The following CEP85L variants were observed in gnomAD, a reference collection of about 807,000 sequenced individuals.
The protein encoded by CEP85L is centrosomal protein 85L.
A neutral mutation model predicts 100.3 loss-of-function variants in CEP85L; 60 were observed. The ratio of observed to expected loss-of-function variants is 0.60; its 90% CI spans 0.49 to 0.74. CEP85L has a LOEUF of 0.74. CEP85L is among the 30% of genes least tolerant of loss of function. The pLI, the probability that CEP85L is intolerant of heterozygous loss-of-function variation, is 0.00. For synonymous variants in CEP85L, 319 were observed against 322.7 expected (o/e 0.99, Z 0.12); for missense variants, 973 against 936.2 (o/e 1.04, Z -0.51).
Position 118,484,408 on chromosome 6 carries a change from C to T in CEP85L, c.1438-550G>A, listed in dbSNP as rs187402548. ...AGGGAATATTTGCTTTTACCATGGA[C>T]GGCATCCTATAAATTGTCATCAACC... On this transcript the variant is annotated intron_variant, in intron 6 of 12. Coordinates refer to ENST00000368491, the MANE Select transcript of CEP85L (RefSeq NM_001042475.3). 1.3e-4 allele frequency among the ~76,000 whole-genome samples: 20 copies of T among 152,292 alleles called. No individual in the cohort carries two copies. In the East Asian group the frequency reaches 2.5e-3, roughly 19 times the overall value.
chr6:118,539,794 G>T (rs913854208), intron 3 of CEP85L, among the ~76,000 whole-genome samples: 2 of 152,266 alleles, frequency 1.3e-5, no homozygotes, highest in African/African-American at 4.8e-5. Context: ...CTTGAGGGGA[G>T]AGGGAGCATG....
chr6:118,630,588 A>C lies in CEP85L; in HGVS notation c.232+1865T>G, dbSNP rs562640036. Among the ~76,000 whole-genome samples the C allele has an allele frequency of 5.1e-4, 78 of 152,376 alleles. No individual in the cohort carries two copies. In the Middle Eastern group the frequency reaches 0.014, roughly 27 times the overall value. On this transcript the variant is annotated intron_variant, in intron 2 of 12. Coordinates refer to ENST00000368491, the MANE Select transcript of CEP85L (RefSeq NM_001042475.3). ...AACTGTGGTACATCCAGACAATGGG[A>C]TATTACTCAGCACTAAAAGCAAATG...
At chr6:118,599,128 T>C (rs1781596302) in intron 2 of CEP85L, among the ~76,000 whole-genome samples, 1 of 152,146 alleles carries the variant, frequency 6.6e-6, no homozygotes, top group Non-Finnish European at 1.5e-5. Context: ...AACCCAATAA[T>C]AACAAGTATG....
rs1402692800 is a variant in CEP85L, at chr6:118,463,192, T to G, written c.*2213A>C. The G allele has an allele frequency of 2.0e-5, 3 of 151,510 alleles. No homozygotes were observed. The highest frequency in any genetic ancestry group is 2.9e-5 in the Non-Finnish European group (2 of 67,802). The allele number at this position is 151,510 out of a possible 1,614,324, so 9.4% of individuals were successfully genotyped here. A position where few individuals can be genotyped will look rare whatever the true frequency, so the allele number is the denominator to read the frequency against. On this transcript the variant is annotated 3_prime_UTR_variant, in exon 13 of 13. Coordinates refer to ENST00000368491, the MANE Select transcript of CEP85L (RefSeq NM_001042475.3). ...ACAAATAAATTATTTTATCCCCAAC[T>G]AAGCCAAAAAACAAAAACGTATCTA...
At chr6:118,672,606 A>T (rs958737351) in intron 1 of CEP85L, among the ~76,000 whole-genome samples, 1 of 152,104 alleles carries the variant, frequency 6.6e-6, no homozygotes, top group Non-Finnish European at 1.5e-5. Context: ...TTTCTACAAA[A>T]AATGCAAAAC....
chr6:118,537,243 T>C (rs1583002295), intron 3 of CEP85L, among the ~76,000 whole-genome samples: 1 of 152,148 alleles, frequency 6.6e-6, no homozygotes, highest in African/African-American at 2.4e-5. Flanking sequence ...ACATGCAATG[T>C]AAAAGGTAGT....
chr6:118,643,370 T>C (rs956264883), intron 1 of CEP85L, among the ~76,000 whole-genome samples: 3 of 152,202 alleles, frequency 2.0e-5, no homozygotes, highest in African/African-American at 7.2e-5. Flanking sequence ...ACAAAAGCAA[T>C]GTAATCAACT....
intron 1 of CEP85L, among the ~76,000 whole-genome samples, chr6:118,681,517 AC>A (rs1776658569): frequency 6.6e-6 from 1 of 152,140 alleles, no homozygotes; most frequent in African/African-American, 2.4e-5. Flanking sequence ...TTTGAAGAAC[AC>A]TTAACAGATT....
At chr6:118,690,003 C>T (rs1049752867) in intron 1 of CEP85L, among the ~76,000 whole-genome samples, 1 of 151,442 alleles carries the variant, frequency 6.6e-6, no homozygotes, top group African/African-American at 2.4e-5. Flanking sequence ...ATCCTCCTGC[C>T]TTGGTGTGCC....
intron 6 of CEP85L, among the ~76,000 whole-genome samples, chr6:118,486,991 TC>T (rs1243044205): frequency 1.1e-4 from 16 of 150,588 alleles, no homozygotes; most frequent in African/African-American, 3.9e-4. Flanking sequence ...TCAAATACAA[TC>T]CCCCTGCCTT....
intron 2 of CEP85L, among the ~76,000 whole-genome samples, chr6:118,625,499 A>T (rs779054488): frequency 4.0e-4 from 61 of 152,198 alleles, no homozygotes; most frequent in Non-Finnish European, 7.9e-4. Context: ...TTAAATGATG[A>T]TATGGAATGG....
chr6:118,531,961 A>G (rs1777318212), intron 3 of CEP85L, among the ~76,000 whole-genome samples: 1 of 152,170 alleles, frequency 6.6e-6, no homozygotes, highest in African/African-American at 2.4e-5. Context: ...CCAAAAACTC[A>G]AAGCAGAATT....
intron 3 of CEP85L, among the ~76,000 whole-genome samples, chr6:118,539,614 T>C (rs566782453): frequency 6.6e-6 from 1 of 152,090 alleles, no homozygotes; most frequent in Admixed American, 6.6e-5. Flanking sequence ...TTATTTTAAG[T>C]TCCGGGATAC....
intron 1 of CEP85L, among the ~76,000 whole-genome samples, chr6:118,660,615 G>A (rs534228369): frequency 1.3e-5 from 2 of 152,350 alleles, no homozygotes; most frequent in East Asian, 3.9e-4. Flanking sequence ...TATATTGAAT[G>A]TCTTTTCAAA....
intron 1 of CEP85L, among the ~76,000 whole-genome samples, chr6:118,643,460 C>T (rs7772921): frequency 1.3e-5 from 2 of 151,934 alleles, no homozygotes; most frequent in African/African-American, 4.8e-5. Flanking sequence ...TAACTAAAAA[C>T]TATAGTTCAT....
intron 3 of CEP85L, among the ~76,000 whole-genome samples, chr6:118,536,650 C>A (rs2114854608): frequency 6.6e-6 from 1 of 152,214 alleles, no homozygotes; most frequent in South Asian, 2.1e-4. Flanking sequence ...CACTTTGGTG[C>A]AACTCCACAT....
chr6:118,601,087 T>C (rs1174966044), intron 2 of CEP85L, among the ~76,000 whole-genome samples: 2 of 152,222 alleles, frequency 1.3e-5, no homozygotes, highest in African/African-American at 2.4e-5. Context: ...TAAGAACATA[T>C]ACACTTTATG....
intron 1 of CEP85L, among the ~76,000 whole-genome samples, chr6:118,659,245 T>C (rs560631801): frequency 6.6e-6 from 1 of 152,304 alleles, no homozygotes; most frequent in Admixed American, 6.5e-5. Flanking sequence ...GAACAAAGCA[T>C]CTAAAATCAA....
chr6:118,565,819 A>T lies in CEP85L; in HGVS notation c.730T>A (p.Ser244Thr), dbSNP rs1211404208. 5.0e-6 allele frequency: 8 copies of T among 1,614,114 alleles called. No individual in the cohort carries two copies. Among genetic ancestry groups the T allele is most frequent in the Non-Finnish European group, 6.8e-6 (8 of 1,180,002 alleles). Residue 244 changes from serine to threonine, a missense_variant, in exon 3 of 13, where the codon TCC (serine) becomes ACC (threonine). This residue lies in a region of CEP85L where 890 missense variants were observed against 844.5 expected (regional missense o/e 1.05). Coordinates refer to ENST00000368491, the MANE Select transcript of CEP85L (RefSeq NM_001042475.3). ...SCSKEDFRAS[S>T]STLRRQPVDM... is the part of the protein sequence containing the mutation. Reference sequence around the variant, plus strand: ...ACAGGCTGTCTCCTAAGAGTAGAGGAAGAGGCTCTAAAGTCCTCCTTGCTA... The same window carrying T: ...ACAGGCTGTCTCCTAAGAGTAGAGGTAGAGGCTCTAAAGTCCTCCTTGCTA...
Sources: gnomAD v4.1 joint callset for allele counts (sites outside exome capture counted in the v4.1 genomes callset) on GRCh38, gnomAD v4.1.1 for gene constraint, gnomAD v4.1.1 regional missense constraint, MANE v1.5 for transcripts, NCBI Gene and HGNC (gene_info 2026-07-23, HGNC 2026-07-21) for gene names.